IPO11: variants seen among roughly 807,000 people sequenced by gnomAD.
The protein encoded by IPO11 is importin-11.
Under a neutral mutation model 143.2 loss-of-function variants are expected in IPO11, and 66 were observed. The observed-to-expected ratio is 0.46, with a 90% CI of 0.38 to 0.57. IPO11 has a LOEUF of 0.57. IPO11 is among the 20% of genes least tolerant of loss of function. The pLI is 0.00. For synonymous variants in IPO11, 385 were observed against 377.8 expected (o/e 1.02, Z -0.22); for missense variants, 1,026 against 1,141.0 (o/e 0.90, Z 1.45).
At chr5:62,608,684 C>T (rs1416383588) in intron 29 of IPO11, among the ~76,000 whole-genome samples, 2 of 152,204 alleles carry the variant, frequency 1.3e-5, no homozygotes, top group African/African-American at 4.8e-5. Context: ...GTGTCCCCCA[C>T]ATAGATGCAA....
chr5:62,519,297 C>A (rs866374818), intron 20 of IPO11, among the ~76,000 whole-genome samples: 1 of 151,918 alleles, frequency 6.6e-6, no homozygotes, highest in South Asian at 2.1e-4. Flanking sequence ...GGAGTTAGTT[C>A]TTAAAGATTT....
intron 29 of IPO11, among the ~76,000 whole-genome samples, chr5:62,611,910 A>G (rs1561386968): frequency 6.6e-6 from 1 of 152,134 alleles, no homozygotes; most frequent in East Asian, 1.9e-4. Context: ...CAAGGGAAGA[A>G]AAATTAAGTA....
At chr5:62,583,163 A>AT (rs1293163256) in intron 27 of IPO11, among the ~76,000 whole-genome samples, 1 of 152,040 alleles carries the variant, frequency 6.6e-6, no homozygotes, top group Non-Finnish European at 1.5e-5. Context: ...TTAATAATGT[A>AT]TTTTTTTCTT....
chr5:62,604,849 A>G (rs1745644763), intron 29 of IPO11, among the ~76,000 whole-genome samples: 2 of 152,206 alleles, frequency 1.3e-5, no homozygotes, highest in African/African-American at 4.8e-5. Context: ...CATTTAATAA[A>G]TCCAATTATG....
intron 29 of IPO11, among the ~76,000 whole-genome samples, chr5:62,619,679 C>T (rs1383375036): frequency 6.6e-6 from 1 of 151,908 alleles, no homozygotes; most frequent in African/African-American, 2.4e-5. Context: ...CGGTGAAACC[C>T]TATCTCTACT....
intron 27 of IPO11, among the ~76,000 whole-genome samples, chr5:62,566,255 A>G (rs1261497207): frequency 1.3e-5 from 2 of 152,142 alleles, no homozygotes; most frequent in Non-Finnish European, 2.9e-5. Flanking sequence ...ACAGTGTAAA[A>G]GCATTCCTAT....
At chr5:62,427,978 A>C (rs1308483906) in intron 1 of IPO11, among the ~76,000 whole-genome samples, 3 of 152,242 alleles carry the variant, frequency 2.0e-5, no homozygotes, top group Non-Finnish European at 2.9e-5. Flanking sequence ...TAATGCATGC[A>C]CAGAAAAGAA....
chr5:62,601,544 A>T (rs1184980148), intron 28 of IPO11, among the ~76,000 whole-genome samples: 1 of 152,188 alleles, frequency 6.6e-6, no homozygotes, highest in Admixed American at 6.5e-5. Context: ...CCCAAGTAAA[A>T]TGCTCTAAAA....
chr5:62,541,809 A>T (rs73760833), intron 24 of IPO11, among the ~76,000 whole-genome samples: 13,620 of 152,250 alleles, frequency 0.089, 817 homozygotes, highest in East Asian at 0.26. Flanking sequence ...AAAAATCTAT[A>T]GTCAAATATG....
intron 26 of IPO11, among the ~76,000 whole-genome samples, chr5:62,558,165 A>G (rs1317620446): frequency 6.6e-6 from 1 of 152,202 alleles, no homozygotes; most frequent in Non-Finnish European, 1.5e-5. Context: ...CAAACAGGGT[A>G]AAAAATGACT....
intron 27 of IPO11, among the ~76,000 whole-genome samples, chr5:62,583,575 C>T (rs1744647277): frequency 6.6e-6 from 1 of 152,082 alleles, no homozygotes; most frequent in African/African-American, 2.4e-5. Context: ...ATGTTCATTT[C>T]AGTCTTTGTC....
chr5:62,426,085 T>G (rs1743729998), intron 1 of IPO11, among the ~76,000 whole-genome samples: 1 of 152,060 alleles, frequency 6.6e-6, no homozygotes, highest in South Asian at 2.1e-4. Flanking sequence ...CCAGATAATA[T>G]GACAAAATTG....
intron 6 of IPO11, among the ~76,000 whole-genome samples, chr5:62,469,809 A>G (rs1424175319): frequency 6.6e-6 from 1 of 152,190 alleles, no homozygotes; most frequent in East Asian, 1.9e-4. Flanking sequence ...GTTGATTCCA[A>G]ATTTGGAAAT....
chr5:62,463,490 C>T (rs1280826140), intron 5 of IPO11, among the ~76,000 whole-genome samples: 1 of 151,702 alleles, frequency 6.6e-6, no homozygotes, highest in Non-Finnish European at 1.5e-5. Flanking sequence ...ACAGTGAGAT[C>T]CTATCTCTAC....
At chr5:62,440,349 C>CTTTTT (rs747340732) in intron 2 of IPO11, among the ~76,000 whole-genome samples, 7 of 132,156 alleles carry the variant, frequency 5.3e-5, no homozygotes, top group Non-Finnish European at 8.0e-5. Flanking sequence ...TGTACGTCCC[C>CTTTTT]TTTTTTTTTT....
At chr5:62,518,453 A>G (rs1742098759) in intron 20 of IPO11, among the ~76,000 whole-genome samples, 1 of 151,800 alleles carries the variant, frequency 6.6e-6, no homozygotes, top group Non-Finnish European at 1.5e-5. Context: ...CAAAAAAAAA[A>G]AAGCCCAAAA....
chr5:62,582,310 T>A (rs924407620), intron 27 of IPO11, among the ~76,000 whole-genome samples: 2 of 152,082 alleles, frequency 1.3e-5, no homozygotes, highest in African/African-American at 4.8e-5. Context: ...CAGAGGTACT[T>A]TGAAAGTAAA....
At chr5:62,593,224 G>C (rs1396193844) in intron 28 of IPO11, among the ~76,000 whole-genome samples, 1 of 152,190 alleles carries the variant, frequency 6.6e-6, no homozygotes, top group Non-Finnish European at 1.5e-5. Flanking sequence ...GGAAGGATAA[G>C]GGTTAGGATG....
chr5:62,433,231 C>T lies in IPO11; in HGVS notation c.-6-4043C>T, dbSNP rs548398342. On this transcript the variant is annotated intron_variant, in intron 1 of 29. Coordinates refer to ENST00000325324, the MANE Select transcript of IPO11 (RefSeq NM_016338.5). ...GGGGTTATTGTATGTGTGAAATGCC[C>T]TAAAACTAATGACAAACACAGATAA... 3.1e-4 allele frequency among the ~76,000 whole-genome samples: 47 copies of T among 151,696 alleles called. No individual in the cohort carries two copies. In the South Asian group the frequency reaches 9.4e-3, roughly 30 times the overall value.
Sources: allele counts gnomAD v4.1 joint callset (sites outside exome capture counted in the v4.1 genomes callset), GRCh38; gene constraint gnomAD v4.1.1; transcripts MANE v1.5; gene names NCBI Gene and HGNC (gene_info 2026-07-23, HGNC 2026-07-21).